Variants in GRM1 observed in about 807,000 individuals in gnomAD.
GRM1 encodes the protein glutamate metabotropic receptor 1, also known as metabotropic glutamate receptor 1.
Under a neutral mutation model 90.9 loss-of-function variants are expected in GRM1, and 33 were observed. The observed-to-expected ratio is 0.36, with a 90% CI of 0.28 to 0.49. The LOEUF is 0.49. GRM1 is among the 20% of genes least tolerant of loss of function. The pLI is 0.99. For missense variants in GRM1, 1,190 were observed against 1,534.3 expected (o/e 0.78, Z 3.75); for synonymous variants, 700 against 613.2 (o/e 1.14, Z -2.09).
intron 2 of GRM1, among the ~76,000 whole-genome samples, chr6:146,299,854 C>T (rs892038001): frequency 6.6e-6 from 1 of 152,016 alleles, no homozygotes; most frequent in Non-Finnish European, 1.5e-5. Flanking sequence ...CCTGAGTTCC[C>T]CACAACCTCA....
intron 2 of GRM1, among the ~76,000 whole-genome samples, chr6:146,234,482 AT>A (rs1010373438): frequency 2.7e-5 from 4 of 150,424 alleles, no homozygotes; most frequent in Non-Finnish European, 3.0e-5. Context: ...ATCTGTCTGA[AT>A]TTTTTTTTAG....
chr6:146,146,305 T>C (rs1777100857), intron 1 of GRM1, among the ~76,000 whole-genome samples: 1 of 151,616 alleles, frequency 6.6e-6, no homozygotes, highest in African/African-American at 2.4e-5. Flanking sequence ...GCCAAGATGG[T>C]GTCCATCTCC....
At chr6:146,076,569 GATTTTGAC>G (rs746681446) in intron 1 of GRM1, among the ~76,000 whole-genome samples, 26 of 152,130 alleles carry the variant, frequency 1.7e-4, no homozygotes, top group Non-Finnish European at 2.6e-4. Flanking sequence ...TGAATCCAAG[GATTTTGAC>G]ATGAGTAACC....
chr6:146,127,361 G>A (rs1776235459), intron 1 of GRM1, among the ~76,000 whole-genome samples: 1 of 152,078 alleles, frequency 6.6e-6, no homozygotes. Flanking sequence ...ATCAGAAAAG[G>A]CAGTATAAGC....
At chr6:146,319,428 T>G (rs1016510263) in intron 3 of GRM1, among the ~76,000 whole-genome samples, 1 of 152,170 alleles carries the variant, frequency 6.6e-6, no homozygotes, top group Non-Finnish European at 1.5e-5. Context: ...TTCTTTTTGG[T>G]TAGGATTGTC....
intron 7 of GRM1, among the ~76,000 whole-genome samples, chr6:146,408,069 G>A (rs1319716672): frequency 6.6e-6 from 1 of 152,152 alleles, no homozygotes; most frequent in Non-Finnish European, 1.5e-5. Flanking sequence ...AGATTAGGGT[G>A]CTAGCAGGTG....
At chr6:146,187,569 A>C (rs17075721) in intron 2 of GRM1, among the ~76,000 whole-genome samples, 2,204 of 152,102 alleles carry the variant, frequency 0.014, 55 homozygotes, top group African/African-American at 0.049. Flanking sequence ...TATTCTTTTG[A>C]ATGATCTATG....
At chr6:146,287,980 G>C (rs752915685) in intron 2 of GRM1, among the ~76,000 whole-genome samples, 9 of 152,344 alleles carry the variant, frequency 5.9e-5, no homozygotes, top group African/African-American at 2.2e-4. Context: ...GCAGTAATTT[G>C]TTATAGCAGT....
At chr6:146,428,181 A>G (rs1343290646) in intron 7 of GRM1, among the ~76,000 whole-genome samples, 1 of 152,224 alleles carries the variant, frequency 6.6e-6, no homozygotes, top group Non-Finnish European at 1.5e-5. Context: ...TGCACCATAC[A>G]CTAAACTAAG....
intron 2 of GRM1, among the ~76,000 whole-genome samples, chr6:146,266,826 G>A (rs925027427): frequency 2.6e-5 from 4 of 152,194 alleles, no homozygotes; most frequent in African/African-American, 9.7e-5. Flanking sequence ...GGTCCCTGTT[G>A]AATAGCCTTC....
intron 1 of GRM1, among the ~76,000 whole-genome samples, chr6:146,092,356 C>T (rs1256271145): frequency 6.6e-6 from 1 of 152,116 alleles, no homozygotes; most frequent in African/African-American, 2.4e-5. Flanking sequence ...TGGGAGAATA[C>T]AAACATACAG....
chr6:146,316,374 A>G (rs1014561792), intron 3 of GRM1, among the ~76,000 whole-genome samples: 1 of 152,212 alleles, frequency 6.6e-6, no homozygotes, highest in African/African-American at 2.4e-5. Flanking sequence ...TCAAGGGACA[A>G]TTAGTCACAT....
At chr6:146,421,804 G>A (rs371869350) in intron 7 of GRM1, among the ~76,000 whole-genome samples, 32 of 152,142 alleles carry the variant, frequency 2.1e-4, no homozygotes, top group Middle Eastern at 3.4e-3. Flanking sequence ...ACATGCATGC[G>A]TTAAAAGGAA....
intron 2 of GRM1, among the ~76,000 whole-genome samples, chr6:146,277,992 A>G (rs959280278): frequency 8.5e-5 from 13 of 152,184 alleles, no homozygotes; most frequent in African/African-American, 3.1e-4. Flanking sequence ...AAAACATACT[A>G]TCTTTAGGCT....
Position 146,434,729 on chromosome 6 carries a change from C to G in GRM1, c.3518C>G (p.Thr1173Ser). ...SSPVSESVLC[T>S]PPNVSYASVI... ...CCCGTGTCCGAGTCGGTGCTCTGCA[C>G]CCCTCCCAACGTATCCTACGCCTCT... The change falls in exon 8 of 8, where the codon ACC (threonine) becomes AGC (serine). Residue 1173 changes from threonine to serine, a missense_variant. By Grantham distance (58) the Thr-to-Ser change is moderately conservative. Around this residue, in one of 10 missense-constraint regions of GRM1, gnomAD observed 48 missense variants for 48.5 expected, o/e 0.99. Coordinates refer to ENST00000282753, the MANE Select transcript of GRM1 (RefSeq NM_001278064.2). The G allele has an allele frequency of 6.2e-7, 1 of 1,601,156 alleles. No individual in the cohort carries two copies. The highest frequency in any genetic ancestry group is 8.5e-7 in the Non-Finnish European group (1 of 1,179,908).
intron 1 of GRM1, among the ~76,000 whole-genome samples, chr6:146,046,575 T>A (rs181883247): frequency 5.3e-5 from 8 of 152,158 alleles, no homozygotes; most frequent in African/African-American, 1.4e-4. Context: ...AACCCTCATA[T>A]TTATATCAGT....
intron 1 of GRM1, among the ~76,000 whole-genome samples, chr6:146,054,048 TAA>T (rs1208750756): frequency 6.6e-6 from 1 of 152,116 alleles, no homozygotes; most frequent in Non-Finnish European, 1.5e-5. Flanking sequence ...AAAAAATGAA[TAA>T]GATATACTTC....
At chr6:146,345,648 ATATC>A (rs1436502173) in intron 3 of GRM1, among the ~76,000 whole-genome samples, 1 of 152,230 alleles carries the variant, frequency 6.6e-6, no homozygotes, top group Non-Finnish European at 1.5e-5. Context: ...GCTTTCTTAC[ATATC>A]TAAAGGAAAG....
At chr6:146,242,278 A>G (rs1329611362) in intron 2 of GRM1, among the ~76,000 whole-genome samples, 1 of 152,160 alleles carries the variant, frequency 6.6e-6, no homozygotes. Context: ...TCACACAGCT[A>G]GCAAGCAGTA....
Sources: allele counts gnomAD v4.1 joint callset (sites outside exome capture counted in the v4.1 genomes callset), GRCh38; gene constraint gnomAD v4.1.1; regional missense constraint gnomAD v4.1.1; transcripts MANE v1.5; gene names NCBI Gene and HGNC (gene_info 2026-07-23, HGNC 2026-07-21).